The following MAF variants were observed in gnomAD, a reference collection of about 807,000 sequenced individuals.
The protein encoded by MAF is MAF bZIP transcription factor.
Under a neutral mutation model 22.0 loss-of-function variants are expected in MAF, and 10 were observed. The observed-to-expected ratio is 0.45, with a 90% CI of 0.28 to 0.77. The LOEUF is 0.77. Among genes scored for constraint, MAF ranks in the 30% least tolerant of loss-of-function variants. The probability of loss-of-function intolerance (pLI) is 0.12; values close to 1 mark genes in which losing one functional copy is unlikely to be tolerated. For synonymous variants in MAF, 337 were observed against 255.8 expected (o/e 1.32, Z -3.03); for missense variants, 544 against 548.4 (o/e 0.99, Z 0.08).
At chr16:79,420,140 G>A in the MAF span, among the ~76,000 whole-genome samples, 1 of 152,154 alleles carries the variant, frequency 6.6e-6, no homozygotes, top group Admixed American at 6.5e-5. Flanking sequence ...TTGGGAGACA[G>A]ACTAATACTT....
At chr16:79,511,700 C>G in the MAF span, among the ~76,000 whole-genome samples, 3 of 152,102 alleles carry the variant, frequency 2.0e-5, no homozygotes, top group Admixed American at 1.3e-4. Flanking sequence ...ATTCAGTAGC[C>G]CATTGGGCCT....
the MAF span, among the ~76,000 whole-genome samples, chr16:79,291,932 T>G: frequency 6.6e-6 from 1 of 150,822 alleles, no homozygotes; most frequent in Non-Finnish European, 1.5e-5. Context: ...AACTGGATGG[T>G]TCTCATGAGG....
the MAF span, among the ~76,000 whole-genome samples, chr16:79,280,030 G>C: frequency 6.6e-6 from 1 of 152,234 alleles, no homozygotes; most frequent in African/African-American, 2.4e-5. Context: ...CTCCAAAGCA[G>C]AGTGATTCTT....
the MAF span, among the ~76,000 whole-genome samples, chr16:79,211,063 A>G: frequency 2.0e-5 from 1 of 49,650 alleles, no homozygotes; most frequent in Non-Finnish European, 6.1e-5. Context: ...GTGTGCATTA[A>G]ATGTTTTAAC....
At chr16:79,404,628 T>C in the MAF span, among the ~76,000 whole-genome samples, 1 of 134,462 alleles carries the variant, frequency 7.4e-6, no homozygotes, top group African/African-American at 2.6e-5. Context: ...CAATCTCTCC[T>C]TTTTTTTAAA....
the MAF span, among the ~76,000 whole-genome samples, chr16:79,398,633 GTA>G: frequency 6.6e-6 from 1 of 152,090 alleles, no homozygotes; most frequent in Admixed American, 6.6e-5. Context: ...GTGTCTATCT[GTA>G]TGTGTGTGTG....
At chr16:79,490,594 A>G in the MAF span, among the ~76,000 whole-genome samples, 1 of 143,804 alleles carries the variant, frequency 7.0e-6, no homozygotes. Flanking sequence ...ATATAGAAGT[A>G]TATGCATGCA....
At chr16:79,366,436 G>C in the MAF span, among the ~76,000 whole-genome samples, 25 of 152,196 alleles carry the variant, frequency 1.6e-4, no homozygotes, top group Non-Finnish European at 3.2e-4. Flanking sequence ...ACCATTCTAA[G>C]TCTTAGTTTC....
the MAF span, among the ~76,000 whole-genome samples, chr16:79,494,942 T>C: frequency 2.0e-5 from 3 of 152,152 alleles, no homozygotes; most frequent in Non-Finnish European, 4.4e-5. Context: ...ACCAGTTTAT[T>C]GTAAAGGGTG....
chr16:79,395,751 G>A, the MAF span, among the ~76,000 whole-genome samples: 1 of 152,192 alleles, frequency 6.6e-6, no homozygotes, highest in Admixed American at 6.5e-5. Flanking sequence ...CAAGCTGTGC[G>A]AGAATAAATG....
chr16:79,244,414 C>T, the MAF span, among the ~76,000 whole-genome samples: 1 of 152,000 alleles, frequency 6.6e-6, no homozygotes, highest in Admixed American at 6.6e-5. Flanking sequence ...CAGTTCTGTA[C>T]ATCAATAATA....
At chr16:79,213,865 G>A in the MAF span, among the ~76,000 whole-genome samples, 3 of 152,182 alleles carry the variant, frequency 2.0e-5, no homozygotes, top group Non-Finnish European at 2.9e-5. Context: ...AACTGATACA[G>A]CTTCTCAGCT....
At chr16:79,520,491 G>T in the MAF span, among the ~76,000 whole-genome samples, 1 of 152,138 alleles carries the variant, frequency 6.6e-6, no homozygotes, top group Admixed American at 6.5e-5. Context: ...GTGTGCGTGT[G>T]TGTGTGTGTG....
the MAF span, among the ~76,000 whole-genome samples, chr16:79,386,601 G>A: frequency 6.6e-6 from 1 of 152,142 alleles, no homozygotes; most frequent in Admixed American, 6.5e-5. Context: ...GGTGGATGGG[G>A]ACTCCTGTAT....
chr16:79,384,435 A>T, the MAF span, among the ~76,000 whole-genome samples: 1 of 136,068 alleles, frequency 7.3e-6, no homozygotes, highest in Non-Finnish European at 1.6e-5. Flanking sequence ...ACAAGAGCAA[A>T]ACTCTGTCTC....
chr16:79,560,072 T>G, the MAF span, among the ~76,000 whole-genome samples: 1 of 152,102 alleles, frequency 6.6e-6, no homozygotes, highest in Non-Finnish European at 1.5e-5. Flanking sequence ...GTGTGGCTGA[T>G]TATTTTTAGA....
chr16:79,422,891 A>G, the MAF span, among the ~76,000 whole-genome samples: 1 of 152,182 alleles, frequency 6.6e-6, no homozygotes, highest in Non-Finnish European at 1.5e-5. Flanking sequence ...TCATGGAGAG[A>G]CAGATACTAC....
the MAF span, among the ~76,000 whole-genome samples, chr16:79,500,025 A>G: frequency 1.3e-5 from 2 of 152,150 alleles, no homozygotes; most frequent in African/African-American, 4.8e-5. Flanking sequence ...CAGTAGAGAG[A>G]GATGCAGCAG....
At chr16:79,314,429 T>G in the MAF span, among the ~76,000 whole-genome samples, 1 of 152,156 alleles carries the variant, frequency 6.6e-6, no homozygotes, top group African/African-American at 2.4e-5. Context: ...TGCGATGGGT[T>G]GCAGTGAGGC....
Sources: allele counts gnomAD v4.1 joint callset (sites outside exome capture counted in the v4.1 genomes callset), GRCh38; gene constraint gnomAD v4.1.1; transcripts MANE v1.5; gene names NCBI Gene and HGNC (gene_info 2026-07-23, HGNC 2026-07-21).